The following EYS variants were observed in gnomAD, a reference collection of about 807,000 sequenced individuals.
EYS encodes the protein protein eyes shut homolog.
Under a neutral mutation model 282.1 loss-of-function variants are expected in EYS, and 250 were observed. That is an observed-to-expected ratio of 0.89 (90% CI 0.80 to 0.98). EYS has a LOEUF of 0.98. EYS is among the 50% of genes least tolerant of loss of function. The probability of loss-of-function intolerance (pLI) is 0.00; values close to 1 mark genes in which losing one functional copy is unlikely to be tolerated. For synonymous variants in EYS, 1,355 were observed against 1,282.9 expected, an observed-to-expected ratio of 1.06 and a Z score of -1.20; for missense variants, 4,016 against 3,709.0, an observed-to-expected ratio of 1.08 and a Z score of -2.15.
At chr6:64,002,268 G>C (rs994663999) in intron 33 of EYS, among the ~76,000 whole-genome samples, 1 of 152,146 alleles carries the variant, frequency 6.6e-6, no homozygotes, top group Non-Finnish European at 1.5e-5. Flanking sequence ...GCTCCCATCC[G>C]TCTTGCTGAG....
At chr6:64,619,483 CA>C (rs989989108) in intron 23 of EYS, among the ~76,000 whole-genome samples, 1 of 150,990 alleles carries the variant, frequency 6.6e-6, no homozygotes, top group Non-Finnish European at 1.5e-5. Flanking sequence ...GGTGAGCTAA[CA>C]GAAAAGTACC....
chr6:65,331,552 T>G (rs1315063533), intron 11 of EYS: 4 of 965,396 alleles, frequency 4.1e-6, no homozygotes, highest in East Asian at 2.3e-4. Flanking sequence ...TATCAAGAAC[T>G]CATTAAAGTG....
chr6:64,780,839 C>A (rs1773836776), intron 22 of EYS, among the ~76,000 whole-genome samples: 1 of 151,992 alleles, frequency 6.6e-6, no homozygotes, highest in South Asian at 2.1e-4. Context: ...TTTTTTATTT[C>A]CTTTCACCAG....
In EYS at chr6:65,432,289, T is replaced by C. The variant is rs537087994; in HGVS notation, c.863-26922A>G. Among the ~76,000 whole-genome samples the C allele has an allele frequency of 1.4e-4, 22 of 152,160 alleles. No homozygotes were observed. The South Asian group carries it at 4.6e-3, about 32-fold the overall frequency. The stretch of plus-strand genomic sequence containing the variant: ...GCTTTTCTAGGGACTGGAGATAAAA[T>C]AATGAACAAAACAGATAACCATATA... On this transcript the variant is annotated intron_variant, in intron 5 of 42. Coordinates refer to ENST00000503581, the MANE Select transcript of EYS (RefSeq NM_001142800.2).
chr6:64,143,720 T>C (rs913848620), intron 31 of EYS, among the ~76,000 whole-genome samples: 13 of 152,204 alleles, frequency 8.5e-5, no homozygotes, highest in African/African-American at 2.9e-4. Context: ...CACAGACACA[T>C]GAAGAAAAGT....
intron 17 of EYS, 78 bp from the exon 18 acceptor site, chr6:64,902,298 GT>G: frequency 7.6e-7 from 1 of 1,315,022 alleles, no homozygotes; most frequent in Non-Finnish European, 1.1e-6. Flanking sequence ...AGCATGGCAA[GT>G]TTTTAATAAT....
intron 15 of EYS, among the ~76,000 whole-genome samples, chr6:64,944,764 A>C (rs142057045): frequency 0.015 from 2,209 of 152,136 alleles, 72 homozygotes; most frequent in African/African-American, 0.05. Context: ...CCGATTGTAC[A>C]TTTGTTCAAT....
At chr6:65,451,974 A>AT (rs1764416016) in intron 5 of EYS, among the ~76,000 whole-genome samples, 1 of 151,892 alleles carries the variant, frequency 6.6e-6, no homozygotes, top group Non-Finnish European at 1.5e-5. Flanking sequence ...AGGAAAATTA[A>AT]TTTTTAATTT....
intron 2 of EYS, among the ~76,000 whole-genome samples, chr6:65,532,420 C>A (rs530145203): frequency 2.9e-4 from 44 of 152,168 alleles, no homozygotes; most frequent in Middle Eastern, 6.8e-3. Flanking sequence ...CTGCCATGGG[C>A]TGGTGAATTA....
intron 15 of EYS, among the ~76,000 whole-genome samples, chr6:64,944,178 G>C (rs1769194556): frequency 6.6e-6 from 1 of 152,064 alleles, no homozygotes; most frequent in Non-Finnish European, 1.5e-5. Context: ...GCAGAGGACT[G>C]AAACTGGACC....
At chr6:65,336,701 A>T (rs1770001860) in intron 10 of EYS, among the ~76,000 whole-genome samples, 1 of 151,052 alleles carries the variant, frequency 6.6e-6, no homozygotes, top group Non-Finnish European at 1.5e-5. Context: ...ATTAAAAGTA[A>T]ATTAAATAAT....
chr6:63,742,341 T>C (rs994937973), intron 41 of EYS, among the ~76,000 whole-genome samples: 2 of 152,162 alleles, frequency 1.3e-5, no homozygotes, highest in African/African-American at 4.8e-5. Context: ...CCTCTTGGCT[T>C]TAAGCTACTT....
chr6:64,664,288 A>T (rs1043259912), intron 22 of EYS, among the ~76,000 whole-genome samples: 2 of 152,184 alleles, frequency 1.3e-5, no homozygotes, highest in African/African-American at 4.8e-5. Flanking sequence ...ATGATAGATG[A>T]TGTGACTATT....
intron 14 of EYS, among the ~76,000 whole-genome samples, chr6:64,987,559 C>T (rs930465638): frequency 6.6e-6 from 1 of 151,550 alleles, no homozygotes; most frequent in Middle Eastern, 3.4e-3. Context: ...GTCCTGTGGG[C>T]AGCTGAACTC....
intron 16 of EYS, among the ~76,000 whole-genome samples, chr6:64,907,031 G>A (rs1767849595): frequency 6.6e-6 from 1 of 151,978 alleles, no homozygotes; most frequent in Admixed American, 6.6e-5. Flanking sequence ...TAATCTTCAT[G>A]TGGTTTTGTG....
chr6:65,706,998 T>C (rs1203718864), intron 1 of EYS, 137 bp downstream of exon 1: 1 of 152,198 alleles, frequency 6.6e-6, no homozygotes, highest in Non-Finnish European at 1.5e-5. Flanking sequence ...AAATGTTTTA[T>C]ATATAATAAG....
chr6:65,691,612 T>C (rs1320842925), intron 1 of EYS, among the ~76,000 whole-genome samples: 1 of 150,506 alleles, frequency 6.6e-6, no homozygotes, highest in Non-Finnish European at 1.5e-5. Context: ...CAATTTTGGC[T>C]TTTGTTGCCA....
intron 36 of EYS, among the ~76,000 whole-genome samples, chr6:63,831,750 C>T (rs530505259): frequency 6.6e-6 from 1 of 152,310 alleles, no homozygotes; most frequent in Non-Finnish European, 1.5e-5. Context: ...CACCCCAAAT[C>T]AACAGAATAT....
intron 12 of EYS, among the ~76,000 whole-genome samples, chr6:65,069,117 C>T (rs992473073): frequency 1.3e-5 from 2 of 152,050 alleles, no homozygotes; most frequent in Non-Finnish European, 2.9e-5. Context: ...GATATTACTC[C>T]TACACATGTG....
Sources: allele counts gnomAD v4.1 joint callset (sites outside exome capture counted in the v4.1 genomes callset), GRCh38; gene constraint gnomAD v4.1.1; transcripts MANE v1.5; gene names NCBI Gene and HGNC (gene_info 2026-07-23, HGNC 2026-07-21).